LRRC8D: variants seen among roughly 807,000 people sequenced by gnomAD.
The protein encoded by LRRC8D is leucine rich repeat containing 8 VRAC subunit D, also known as volume-regulated anion channel subunit LRRC8D.
LRRC8D carries 20 observed loss-of-function variants against 55.8 expected under a neutral mutation model. The observed-to-expected ratio is 0.36, with a 90% CI of 0.25 to 0.52. The LOEUF (loss-of-function observed/expected upper bound fraction) is 0.52. Ranked by LOEUF, LRRC8D falls within the 20% of genes least tolerant of loss-of-function variation. The pLI is 0.93. For missense variants in LRRC8D, 651 were observed against 1,030.8 expected, an observed-to-expected ratio of 0.63 and a Z score of 5.05; for synonymous variants, 352 against 377.0, an observed-to-expected ratio of 0.93 and a Z score of 0.77.
At chr1:89,889,953 C>T (rs896832511) in intron 2 of LRRC8D, among the ~76,000 whole-genome samples, 2 of 151,750 alleles carry the variant, frequency 1.3e-5, no homozygotes, top group South Asian at 2.1e-4. Flanking sequence ...TTTGGGAGGC[C>T]GAGGTGGGTG....
chr1:89,874,456 TG>T (rs1662101650), intron 2 of LRRC8D, among the ~76,000 whole-genome samples: 1 of 151,054 alleles, frequency 6.6e-6, no homozygotes, highest in African/African-American at 2.4e-5. Context: ...TGTGTGTGTG[TG>T]TGTGTGTGTG....
chr1:89,916,422 A>G (rs756887064), intron 2 of LRRC8D, among the ~76,000 whole-genome samples: 19 of 152,342 alleles, frequency 1.2e-4, no homozygotes, highest in Non-Finnish European at 1.8e-4. Flanking sequence ...AAATTTACCA[A>G]TTTATCACTA....
chr1:89,917,861 A>C (rs773085901), intron 2 of LRRC8D, among the ~76,000 whole-genome samples: 1 of 152,130 alleles, frequency 6.6e-6, no homozygotes, highest in Non-Finnish European at 1.5e-5. Flanking sequence ...CTGCATGGCA[A>C]ATCTACCTCA....
intron 2 of LRRC8D, among the ~76,000 whole-genome samples, chr1:89,876,675 C>A (rs1048203028): frequency 2.0e-5 from 3 of 152,180 alleles, no homozygotes; most frequent in Non-Finnish European, 4.4e-5. Context: ...TACAGGACAG[C>A]TGCCTGTTTC....
At chr1:89,915,730 A>G (rs944180010) in intron 2 of LRRC8D, among the ~76,000 whole-genome samples, 1 of 152,248 alleles carries the variant, frequency 6.6e-6, no homozygotes, top group Admixed American at 6.5e-5. Context: ...AATGACCTCT[A>G]CAACCAAAAT....
chr1:89,925,850 A>G (rs2100984010), intron 2 of LRRC8D, among the ~76,000 whole-genome samples: 1 of 152,382 alleles, frequency 6.6e-6, no homozygotes, highest in African/African-American at 2.4e-5. Context: ...ATTGCTGGAA[A>G]GTACTGGCTT....
Position 89,935,952 on chromosome 1 carries a change from A to G in LRRC8D, c.*307A>G, listed in dbSNP as rs151153153. On this transcript the variant is annotated 3_prime_UTR_variant, in exon 3 of 3. Transcript: ENST00000337338. ...ATGCTGCCGCTACTGAATGTTTACA[A>G]ATTGCTTGCCTGCTAAAGTAAATGA... 1.9e-3 allele frequency: 483 copies of G among 249,026 alleles called. 1 individual carries two copies. Among genetic ancestry groups the G allele is most frequent in the Middle Eastern group, 3.2e-3 (2 of 626 alleles). The allele number at this position is 249,026 out of a possible 1,614,324, so 15.4% of individuals were successfully genotyped here.
intron 1 of LRRC8D, among the ~76,000 whole-genome samples, chr1:89,837,241 C>T (rs1661023283): frequency 6.6e-6 from 1 of 151,904 alleles, no homozygotes; most frequent in South Asian, 2.1e-4. Context: ...CTTTTCTTTC[C>T]TTCTTAATAT....
intron 1 of LRRC8D, among the ~76,000 whole-genome samples, chr1:89,842,726 C>G (rs1661166549): frequency 6.6e-6 from 1 of 152,200 alleles, no homozygotes; most frequent in South Asian, 2.1e-4. Context: ...CTTAAGCCAT[C>G]TGTGTACTCT....
intron 1 of LRRC8D, among the ~76,000 whole-genome samples, chr1:89,830,453 T>G (rs1456543001): frequency 6.6e-6 from 1 of 152,234 alleles, no homozygotes; most frequent in African/African-American, 2.4e-5. Context: ...CTTTTCCTTA[T>G]AACTTATTTA....
rs1222864295 is a variant in LRRC8D, at chr1:89,930,557, CTT to C, written c.-2-2506_-2-2505del. Among the ~76,000 whole-genome samples, 22 of 152,120 alleles carry C rather than the reference CTT, an allele frequency of 1.4e-4. No homozygotes were observed. In the South Asian group the frequency reaches 1.7e-3, roughly 11 times the overall value. On this transcript the variant is annotated intron_variant, in intron 2 of 2. Coordinates refer to ENST00000337338, the MANE Select transcript of LRRC8D (RefSeq NM_001134479.2). ...AAACACCATTATGCAGTTCATGACT[CTT>C]TTTAAAAAGTAAAGAAAAATCCTAT...
chr1:89,836,797 CCT>C (rs1661013806), intron 1 of LRRC8D, among the ~76,000 whole-genome samples: 1 of 152,190 alleles, frequency 6.6e-6, no homozygotes, highest in Non-Finnish European at 1.5e-5. Flanking sequence ...TTTTTCTTCA[CCT>C]CTCTGCTAAT....
At chr1:89,838,276 A>G (rs1451129505) in intron 1 of LRRC8D, among the ~76,000 whole-genome samples, 3 of 151,984 alleles carry the variant, frequency 2.0e-5, no homozygotes, top group South Asian at 4.2e-4. Context: ...TGGGGAGGCT[A>G]AGGTGGGAGG....
intron 1 of LRRC8D, among the ~76,000 whole-genome samples, chr1:89,833,540 G>A (rs1360932586): frequency 4.6e-5 from 7 of 152,214 alleles, no homozygotes; most frequent in African/African-American, 4.8e-5. Flanking sequence ...AGGATTTGGA[G>A]CTTAAAAGAC....
chr1:89,878,172 C>CT (rs1442483491), intron 2 of LRRC8D, among the ~76,000 whole-genome samples: 1 of 152,192 alleles, frequency 6.6e-6, no homozygotes, highest in African/African-American at 2.4e-5. Flanking sequence ...AACAATATCA[C>CT]TTAAAAACCT....
chr1:89,918,916 G>A (rs1218293851), intron 2 of LRRC8D, among the ~76,000 whole-genome samples: 2 of 152,194 alleles, frequency 1.3e-5, no homozygotes, highest in Non-Finnish European at 2.9e-5. Context: ...CTGGAATGCT[G>A]TACAGTTGTG....
At chr1:89,847,404 G>GT (rs1234293997) in intron 2 of LRRC8D, among the ~76,000 whole-genome samples, 1 of 152,182 alleles carries the variant, frequency 6.6e-6, no homozygotes, top group African/African-American at 2.4e-5. Flanking sequence ...TCATTGTTTT[G>GT]TAAGGGAGGA....
chr1:89,824,203 G>C (rs1660711481), intron 1 of LRRC8D, among the ~76,000 whole-genome samples: 1 of 152,202 alleles, frequency 6.6e-6, no homozygotes, highest in Admixed American at 6.5e-5. Context: ...AATGGCGATA[G>C]TGCCTGCCCT....
At chr1:89,927,838 A>G (rs546101095) in intron 2 of LRRC8D, among the ~76,000 whole-genome samples, 2 of 152,224 alleles carry the variant, frequency 1.3e-5, no homozygotes, top group Non-Finnish European at 2.9e-5. Flanking sequence ...TGTGCTCTCT[A>G]TAAAACTGGG....
Sources: gnomAD v4.1 joint callset for allele counts (sites outside exome capture counted in the v4.1 genomes callset) on GRCh38, gnomAD v4.1.1 for gene constraint, MANE v1.5 for transcripts, NCBI Gene and HGNC (gene_info 2026-07-23, HGNC 2026-07-21) for gene names.